The following TSPEAR variants were observed in gnomAD, a reference collection of about 807,000 sequenced individuals.
TSPEAR encodes the protein thrombospondin type laminin G domain and EAR repeats, also known as thrombospondin-type laminin G domain and EAR repeat-containing protein.
A neutral mutation model predicts 71.6 loss-of-function variants in TSPEAR; 69 were observed. That is an observed-to-expected ratio of 0.96 (90% confidence interval 0.79 to 1.18). The LOEUF (loss-of-function observed/expected upper bound fraction) is 1.18, where lower values mean the gene tolerates loss of function less well. TSPEAR is among the 50% of genes most tolerant of loss of function. The pLI is 0.00. For missense variants in TSPEAR, 971 were observed against 894.9 expected, an observed-to-expected ratio of 1.09 and a Z score of -1.09; for synonymous variants, 402 against 387.2, an observed-to-expected ratio of 1.04 and a Z score of -0.45.
chr21:44,639,262 G>C (rs1227918566), intron 1 of TSPEAR, among the ~76,000 whole-genome samples: 1 of 152,194 alleles, frequency 6.6e-6, no homozygotes, highest in African/African-American at 2.4e-5. Context: ...CTCCGTCCCA[G>C]ATGCCACGTC....
chr21:44,532,559 A>G (rs2145985058), intron 3 of TSPEAR, among the ~76,000 whole-genome samples: 1 of 152,374 alleles, frequency 6.6e-6, no homozygotes, highest in East Asian at 1.9e-4. Context: ...CTAAGTGCAT[A>G]ATAAAAATAT....
intron 2 of TSPEAR, among the ~76,000 whole-genome samples, chr21:44,556,754 C>T (rs2053538024): frequency 6.6e-6 from 1 of 152,154 alleles, no homozygotes; most frequent in Non-Finnish European, 1.5e-5. Context: ...GATTGTTTGA[C>T]CCATCATCCT....
At chr21:44,541,036 G>A (rs1396636943) in intron 2 of TSPEAR, among the ~76,000 whole-genome samples, 2 of 149,840 alleles carry the variant, frequency 1.3e-5, no homozygotes, top group Non-Finnish European at 3.0e-5. Context: ...CTTGGCCAAA[G>A]TACTGGGATT....
intron 2 of TSPEAR, chr21:44,540,329 G>A (rs1555917093): frequency 4.8e-6 from 5 of 1,031,590 alleles, no homozygotes; most frequent in Admixed American, 2.8e-5. Context: ...TTGCTGAGAG[G>A]TGGCGTGTGT....
intron 1 of TSPEAR, among the ~76,000 whole-genome samples, chr21:44,653,186 C>T (rs1258763980): frequency 6.6e-6 from 1 of 152,006 alleles, no homozygotes; most frequent in Non-Finnish European, 1.5e-5. Context: ...TGATGCTAGT[C>T]CTTGCCTTTT....
chr21:44,632,390 T>A (rs1983307710), intron 1 of TSPEAR, among the ~76,000 whole-genome samples: 1 of 152,070 alleles, frequency 6.6e-6, no homozygotes, highest in East Asian at 1.9e-4. Context: ...CTGTGTCCAA[T>A]GAAATGATTC....
intron 9 of TSPEAR, chr21:44,517,507 A>G (rs2052615653): frequency 9.6e-6 from 3 of 311,518 alleles, no homozygotes; most frequent in African/African-American, 2.2e-5. Flanking sequence ...GCATTAGCCA[A>G]TGAGCTGTGA....
intron 2 of TSPEAR, chr21:44,550,407 G>A (rs1189275859): frequency 1.5e-5 from 9 of 599,158 alleles, no homozygotes; most frequent in African/African-American, 1.3e-4. Context: ...TGACGCTCCT[G>A]GGGGTGAGAC....
chr21:44,710,564 G>A lies in TSPEAR; in HGVS notation c.82+869C>T, dbSNP rs1555953404. 6.6e-6 allele frequency among the ~76,000 whole-genome samples: 1 copy of A among 152,158 alleles called. No individual in the cohort carries two copies. The highest frequency in any genetic ancestry group is 2.4e-5 in the African/African-American group (1 of 41,424). On this transcript the variant is annotated intron_variant, in intron 1 of 11. Coordinates refer to ENST00000323084, the MANE Select transcript of TSPEAR (RefSeq NM_144991.3). This position sits in a 1 kb window ranked among gnomAD's most constrained non-coding sequence, Gnocchi z 4.6. ...GGGGGTGGACTTCATCTATTCCAGG[G>A]AACCAAGGATGCATGATTTGCAAAC... is the stretch of plus-strand genomic sequence containing the variant.
At chr21:44,502,157 C>T (rs1444206605) in intron 11 of TSPEAR, among the ~76,000 whole-genome samples, 5 of 152,226 alleles carry the variant, frequency 3.3e-5, no homozygotes, top group African/African-American at 1.2e-4. Context: ...GCACCACGCA[C>T]TCACAGATGC....
intron 1 of TSPEAR, among the ~76,000 whole-genome samples, chr21:44,692,431 G>C (rs897171716): frequency 1.3e-5 from 2 of 152,036 alleles, no homozygotes; most frequent in East Asian, 1.9e-4. Flanking sequence ...TTCTATTCAC[G>C]GGTGACATGA....
At chr21:44,614,968 T>TCA (rs1555932099) in intron 1 of TSPEAR, among the ~76,000 whole-genome samples, 2 of 152,110 alleles carry the variant, frequency 1.3e-5, no homozygotes, top group Non-Finnish European at 2.9e-5. Context: ...CCCAGGCACC[T>TCA]CACCCCACCT....
At chr21:44,552,006 AG>A (rs2146034941) in intron 2 of TSPEAR, among the ~76,000 whole-genome samples, 1 of 152,342 alleles carries the variant, frequency 6.6e-6, no homozygotes, top group African/African-American at 2.4e-5. Flanking sequence ...GTCTGCCAAG[AG>A]CAGGAGGACA....
At position 44,533,724 on chromosome 21, in the gene TSPEAR, A is replaced by G; in HGVS notation, c.503T>C (p.Val168Ala). ...GCCGCAGTCCGTGGTGAGGGAGAAG[A>G]CGCCTGCGGACACAGCCAGGACCAG... ...HTLVLAVSAGVFSLTTDCGLP... is the reference protein window; with the variant it reads ...HTLVLAVSAGAFSLTTDCGLP... The change falls in exon 3 of 12, where the codon GTC becomes GCC. Residue 168 changes from valine (V) to alanine (A), a missense_variant. Transcript: ENST00000323084. 6.2e-7 allele frequency: 1 copy of G among 1,611,604 alleles called. No individual in the cohort carries two copies. Among genetic ancestry groups the G allele is most frequent in the Non-Finnish European group, 8.5e-7 (1 of 1,179,330 alleles).
At chr21:44,663,029 C>T (rs1171378589) in intron 1 of TSPEAR, among the ~76,000 whole-genome samples, 1 of 149,732 alleles carries the variant, frequency 6.7e-6, no homozygotes, top group Non-Finnish European at 1.5e-5. Flanking sequence ...GTCCTGAAAT[C>T]AATTATCTAA....
intron 1 of TSPEAR, chr21:44,658,150 C>T (rs587661101): frequency 6.2e-5 from 100 of 1,614,180 alleles, no homozygotes; most frequent in South Asian, 6.1e-4. Context: ...TGTGCGTGCC[C>T]GTGAGCTGCA....
At chr21:44,602,232 C>T in intron 1 of TSPEAR, 1 of 185,112 alleles carries the variant, frequency 5.4e-6, no homozygotes. Flanking sequence ...TGCCCCCCAC[C>T]CGCGGGTGGT....
chr21:44,597,436 TC>T (rs202046458), intron 1 of TSPEAR, among the ~76,000 whole-genome samples: 11,214 of 144,702 alleles, frequency 0.077, 631 homozygotes, highest in East Asian at 0.18. Context: ...TTCTTTCTTT[TC>T]TTTTTTTTTT....
At chr21:44,580,234 G>A in intron 1 of TSPEAR, 1 of 1,614,114 alleles carries the variant, frequency 6.2e-7, no homozygotes. Flanking sequence ...TTGGCTGGCA[G>A]CTAGACTGCT....
Sources: allele counts gnomAD v4.1 joint callset (sites outside exome capture counted in the v4.1 genomes callset), GRCh38; gene constraint gnomAD v4.1.1; non-coding constraint Gnocchi (gnomAD v3.1); transcripts MANE v1.5; gene names NCBI Gene and HGNC (gene_info 2026-07-23, HGNC 2026-07-21).